The following CTDP1 variants were observed in gnomAD, a reference collection of about 807,000 sequenced individuals.
CTDP1 encodes the protein RNA polymerase II subunit A C-terminal domain phosphatase.
A neutral mutation model predicts 91.8 loss-of-function variants in CTDP1; 47 were observed. That is an observed-to-expected ratio of 0.51 (90% CI 0.41 to 0.65). The LOEUF is 0.65. Among genes scored for constraint, CTDP1 ranks in the 30% least tolerant of loss-of-function variants. The pLI is 0.00. For synonymous variants in CTDP1, 656 were observed against 598.5 expected (o/e 1.10, Z -1.40); for missense variants, 1,272 against 1,373.7 (o/e 0.93, Z 1.17).
intron 1 of CTDP1, among the ~76,000 whole-genome samples, chr18:79,687,586 G>C (rs1225655276): frequency 1.3e-5 from 2 of 150,978 alleles, no homozygotes; most frequent in Non-Finnish European, 3.0e-5. Flanking sequence ...GTTCACTGGT[G>C]GGCCTGCACC....
intron 6 of CTDP1, among the ~76,000 whole-genome samples, chr18:79,711,792 C>T (rs113376412): frequency 0.05 from 7,668 of 152,300 alleles, 268 homozygotes; most frequent in South Asian, 0.16. Context: ...GGGCAGGCCG[C>T]TCCCCGCCCC....
At chr18:79,741,184 C>T (rs1280446263) in intron 12 of CTDP1, among the ~76,000 whole-genome samples, 3 of 148,442 alleles carry the variant, frequency 2.0e-5, no homozygotes, top group Admixed American at 6.7e-5. Flanking sequence ...GGGTGAGGTC[C>T]CCGTGCGGTT....
intron 1 of CTDP1, 49 bp from the exon 2 acceptor site, chr18:79,695,176 G>C: frequency 1.9e-6 from 3 of 1,568,312 alleles, no homozygotes; most frequent in Non-Finnish European, 2.6e-6. Context: ...GGGCTCTTTT[G>C]ATAAACCAAG....
At chr18:79,752,009 G>A (rs375018552) in intron 12 of CTDP1, among the ~76,000 whole-genome samples, 2 of 152,328 alleles carry the variant, frequency 1.3e-5, no homozygotes, top group South Asian at 4.1e-4. Context: ...CACCTCTAAG[G>A]TTGTAGCTGA....
intron 8 of CTDP1, among the ~76,000 whole-genome samples, 177 bp from the exon 9 acceptor site, chr18:79,717,358 G>A (rs1269343777): frequency 6.6e-6 from 1 of 150,684 alleles, no homozygotes; most frequent in East Asian, 2.0e-4. Flanking sequence ...GCTGGGTGAG[G>A]GCCCTGAGCC....
At chr18:79,737,017 G>A (rs1246465738) in intron 12 of CTDP1, among the ~76,000 whole-genome samples, 1 of 152,234 alleles carries the variant, frequency 6.6e-6, no homozygotes, top group Non-Finnish European at 1.5e-5. Flanking sequence ...CCTGCATGTC[G>A]AGGGTGGTGC....
At chr18:79,722,300 C>T (rs1461576805) in intron 10 of CTDP1, among the ~76,000 whole-genome samples, 1 of 152,184 alleles carries the variant, frequency 6.6e-6, no homozygotes, top group Non-Finnish European at 1.5e-5. Flanking sequence ...GTATAATTTA[C>T]GTGAACAGCA....
Position 79,717,945 on chromosome 18 carries a change from C to T in CTDP1, c.2346C>T (p.Ile782=). Residue 782 remains isoleucine (I), a synonymous_variant, in exon 10 of 13, where the codon ATC becomes ATT. Coordinates refer to ENST00000613122, the MANE Select transcript of CTDP1 (RefSeq NM_004715.5). ...RIYDSNTGKL[I]RTGARGPPAP... is the part of the protein sequence containing the mutation. Reference sequence around the variant, plus strand: ...ACGACTCCAACACGGGGAAGCTCATCAGGACGGGCGCCCGGGGGCCCCCAG... The same window carrying T: ...ACGACTCCAACACGGGGAAGCTCATTAGGACGGGCGCCCGGGGGCCCCCAG... 1 of 1,613,554 alleles carries T rather than the reference C, an allele frequency of 6.2e-7. No homozygotes were observed.
chr18:79,696,243 G>A (rs747274554), intron 3 of CTDP1, among the ~76,000 whole-genome samples, 173 bp downstream of exon 3: 2 of 152,188 alleles, frequency 1.3e-5, no homozygotes, highest in South Asian at 2.1e-4. Context: ...AAGCAGGGAC[G>A]GTTGCCCTTG....
intron 12 of CTDP1, among the ~76,000 whole-genome samples, chr18:79,740,962 TC>T (rs1217424379): frequency 6.6e-6 from 1 of 152,158 alleles, no homozygotes; most frequent in Non-Finnish European, 1.5e-5. Context: ...AGGTGAGGTC[TC>T]CTGCACAGGT....
chr18:79,717,584 C>A lies in CTDP1; in HGVS notation c.2118C>A (p.Val706=). ...AGGAGTGCGGACACCTGCACGTGGTCAACCCTGACTGGCTGTGGAGCTGCC... is the reference window on the plus strand; with the variant it reads ...AGGAGTGCGGACACCTGCACGTGGTAAACCCTGACTGGCTGTGGAGCTGCC... ...QAQECGHLHV[V]NPDWLWSCLE... Residue 706 remains valine (V), a synonymous_variant, in exon 9 of 13, where the codon GTC becomes GTA. Transcript: ENST00000613122. The A allele has an allele frequency of 2.5e-6, 4 of 1,613,914 alleles. No homozygotes were observed. The highest frequency in any genetic ancestry group is 3.4e-6 in the Non-Finnish European group (4 of 1,179,956).
intron 11 of CTDP1, 73 bp from the exon 12 acceptor site, chr18:79,736,282 G>A (rs907508440): frequency 1.9e-6 from 3 of 1,542,940 alleles, no homozygotes; most frequent in Admixed American, 2.0e-5. Flanking sequence ...CCTGGACTCT[G>A]CCGGGAGAAG....
chr18:79,679,123 T>C (rs957469854), upstream of CTDP1: 9 of 265,458 alleles, frequency 3.4e-5, no homozygotes, highest in African/African-American at 7.2e-5. Context: ...CCCGCTGCGG[T>C]CCGATTTTCT....
intron 1 of CTDP1, among the ~76,000 whole-genome samples, chr18:79,686,680 T>G (rs1023455128): frequency 1.8e-4 from 28 of 152,286 alleles, no homozygotes; most frequent in African/African-American, 6.3e-4. Context: ...AGAATGCTGG[T>G]GTCGTACGAT....
intron 6 of CTDP1, among the ~76,000 whole-genome samples, chr18:79,710,939 C>G (rs901404566): frequency 6.6e-6 from 1 of 152,080 alleles, no homozygotes; most frequent in Non-Finnish European, 1.5e-5. Flanking sequence ...AAGTTCCTTT[C>G]TAACCTGTAC....
rs2086123298 is a variant in CTDP1 at position 79,713,489 on chromosome 18, G to A, written c.1030+351G>A. On this transcript the variant is annotated intron_variant, in intron 7 of 12. Transcript: ENST00000613122. This position sits in a 1 kb window ranked among gnomAD's most constrained non-coding sequence, Gnocchi z 4.7. The stretch of plus-strand genomic sequence containing the variant: ...TGTTCTGTAGAGAGAGTGAATGTGG[G>A]GGCGGTGGCTCTGCGGGGAATAACC... Among the ~76,000 whole-genome samples the A allele has an allele frequency of 6.6e-6, 1 of 152,200 alleles. No homozygotes were observed. Among genetic ancestry groups the A allele is most frequent in the Non-Finnish European group, 1.5e-5 (1 of 68,044 alleles).
Position 79,736,337 on chromosome 18 carries a change from C to A in CTDP1, c.2581-18C>A. 6.5e-7 allele frequency: 1 copy of A among 1,549,024 alleles called. No homozygotes were observed. The highest frequency in any genetic ancestry group is 8.7e-7 in the Non-Finnish European group (1 of 1,146,984). ...GCCCGGGAAGGAGGTCTGTCGCTGACTCTTGGCTGTTTGTCAGGTGGACGA... is the reference window on the plus strand; with the variant it reads ...GCCCGGGAAGGAGGTCTGTCGCTGAATCTTGGCTGTTTGTCAGGTGGACGA... On this transcript the variant is annotated intron_variant, in intron 11 of 12. Transcript: ENST00000613122.
intron 10 of CTDP1, among the ~76,000 whole-genome samples, chr18:79,727,419 G>T (rs1293377881): frequency 6.6e-6 from 1 of 152,150 alleles, no homozygotes. Context: ...GGGAAGCGCA[G>T]CGTTCGTGGG....
rs758002025 is a variant in CTDP1 at position 79,695,235 on chromosome 18, G to A, written c.325G>A (p.Val109Met). The part of the protein sequence containing the change: ...GQVVAPGAVL[V>M]RLEGCSHPVV... ...TGTGTTTTTTTGTAGAGCGGTTCTG[G>A]TGAGGTTGGAAGGATGCAGCCACCC... Residue 109 changes from valine to methionine, a missense_variant, in exon 2 of 13, where the codon GTG becomes ATG. This residue lies in a region of CTDP1 where 214 missense variants were observed against 179.1 expected (regional missense o/e 1.19). Transcript: ENST00000613122. The A allele has an allele frequency of 7.4e-6, 12 of 1,614,014 alleles. No individual in the cohort carries two copies. The African/African-American group carries it at 1.5e-4, about 20-fold the overall frequency.
Sources: gnomAD v4.1 joint callset for allele counts (sites outside exome capture counted in the v4.1 genomes callset) on GRCh38, gnomAD v4.1.1 for gene constraint, gnomAD v4.1.1 regional missense constraint, Gnocchi (gnomAD v3.1) non-coding constraint, MANE v1.5 for transcripts, NCBI Gene and HGNC (gene_info 2026-07-23, HGNC 2026-07-21) for gene names.